CFAP44: variants seen among roughly 807,000 people sequenced by gnomAD.
The protein encoded by CFAP44 is cilia and flagella associated protein 44, also known as cilia- and flagella-associated protein 44.
In CFAP44, 134 loss-of-function variants were observed where a neutral mutation model predicts 216.2. The observed-to-expected ratio is 0.62, with a 90% confidence interval of 0.54 to 0.72. CFAP44 has a LOEUF of 0.72. CFAP44 is among the 30% of genes least tolerant of loss of function. The pLI, the probability that CFAP44 is intolerant of heterozygous loss-of-function variation, is 0.00. For synonymous variants in CFAP44, 700 were observed against 727.6 expected (o/e 0.96, Z 0.61); for missense variants, 2,035 against 2,182.1 (o/e 0.93, Z 1.34).
intron 34 of CFAP44, among the ~76,000 whole-genome samples, chr3:113,293,590 A>T (rs1949852225): frequency 1.3e-5 from 2 of 152,240 alleles, no homozygotes; most frequent in South Asian, 4.1e-4. Flanking sequence ...ATCAAAGCAC[A>T]TCGACTCAAC....
chr3:113,297,710 G>A (rs544066293), intron 32 of CFAP44, among the ~76,000 whole-genome samples: 3 of 152,130 alleles, frequency 2.0e-5, no homozygotes, highest in Admixed American at 1.3e-4. Context: ...TTTTACTTTT[G>A]TTTTTGTCTT....
Position 113,396,713 on chromosome 3 carries a change from T to C in CFAP44, c.1584A>G (p.Gly528=), listed in dbSNP as rs775918709. ...VWVPRMVNFT[G]AQIIVGFEDG... ...CTTCAAATCCTACAATAATTTGTGC[T>C]CCAGTGAAGTTTACCTTGGAGAAAA... Residue 528 remains glycine (G), a synonymous_variant, in exon 14 of 35, where the codon GGA becomes GGG. Coordinates refer to ENST00000393845, the MANE Select transcript of CFAP44 (RefSeq NM_001164496.2). 3.4e-5 allele frequency: 55 copies of C among 1,613,650 alleles called. No individual in the cohort carries two copies. Among genetic ancestry groups the C allele is most frequent in the Non-Finnish European group, 4.3e-5 (51 of 1,179,822 alleles).
In CFAP44 at chr3:113,403,917, G is replaced by A; in HGVS notation, c.1105C>T (p.Pro369Ser). 1.2e-6 allele frequency: 2 copies of A among 1,614,082 alleles called. No individual in the cohort carries two copies. The highest frequency in any genetic ancestry group is 1.7e-6 in the Non-Finnish European group (2 of 1,180,016). Residue 369 changes from proline to serine, a missense_variant, in exon 9 of 35, where the codon CCC becomes TCC. Pro to Ser is a moderately conservative substitution (Grantham distance 74, BLOSUM62 -1). Coordinates refer to ENST00000393845, the MANE Select transcript of CFAP44 (RefSeq NM_001164496.2). ...RGTSKSCHNG[P>S]INQIMLYEGE... ...TCATACAGCATTATCTGGTTAATGG[G>A]ACCATTGTGACATGACTTGCTTGTC...
intron 28 of CFAP44, among the ~76,000 whole-genome samples, chr3:113,323,871 G>A (rs892227204): frequency 2.6e-5 from 4 of 151,842 alleles, no homozygotes; most frequent in Admixed American, 6.6e-5. Context: ...GTGAAATCCC[G>A]TCTCTACTAA....
intron 28 of CFAP44, among the ~76,000 whole-genome samples, chr3:113,309,314 G>C (rs923590783): frequency 3.3e-5 from 5 of 152,150 alleles, no homozygotes; most frequent in African/African-American, 1.2e-4. Context: ...GTCTAGAGAA[G>C]AATTACCCTA....
intron 18 of CFAP44, among the ~76,000 whole-genome samples, chr3:113,367,303 G>A (rs1409369207): frequency 1.3e-5 from 2 of 152,220 alleles, no homozygotes; most frequent in Non-Finnish European, 2.9e-5. Context: ...ACACCTCCTA[G>A]TAGGGGCCAA....
intron 25 of CFAP44, 42 bp downstream of exon 25, chr3:113,333,364 C>G: frequency 6.6e-7 from 1 of 1,505,296 alleles, no homozygotes; most frequent in Non-Finnish European, 8.9e-7. Flanking sequence ...ATTAAGAACC[C>G]AGGGTGCCTT....
intron 15 of CFAP44, among the ~76,000 whole-genome samples, chr3:113,381,852 T>C (rs1933519175): frequency 6.6e-6 from 1 of 152,188 alleles, no homozygotes; most frequent in Admixed American, 6.5e-5. Flanking sequence ...GTAGCTTACC[T>C]CCAATGGAAG....
chr3:113,304,176 C>G, intron 31 of CFAP44, 59 bp from the exon 32 acceptor site: 1 of 1,502,912 alleles, frequency 6.7e-7, no homozygotes. Context: ...TGTATGGCAA[C>G]AGAAAGCATA....
intron 18 of CFAP44, among the ~76,000 whole-genome samples, chr3:113,368,245 C>T (rs545862101): frequency 1.6e-4 from 25 of 152,226 alleles, no homozygotes; most frequent in African/African-American, 5.8e-4. Context: ...GAGAACACCA[C>T]AAAGATTCTC....
At chr3:113,330,948 C>T (rs1403659408) in intron 25 of CFAP44, among the ~76,000 whole-genome samples, 3 of 152,108 alleles carry the variant, frequency 2.0e-5, no homozygotes, top group Admixed American at 2.0e-4. Flanking sequence ...GCTGAGTTCC[C>T]CTGTCCTCCT....
At chr3:113,379,854 G>C (rs1933457938) in intron 16 of CFAP44, among the ~76,000 whole-genome samples, 2 of 152,014 alleles carry the variant, frequency 1.3e-5, no homozygotes, top group Admixed American at 1.3e-4. Flanking sequence ...CAGGAATTAG[G>C]TAGACTGAAA....
intron 22 of CFAP44, among the ~76,000 whole-genome samples, chr3:113,345,974 C>G (rs2107823379): frequency 6.6e-6 from 1 of 152,246 alleles, no homozygotes; most frequent in East Asian, 1.9e-4. Context: ...TATTTGCCCA[C>G]TGGAACTTTT....
At chr3:113,338,476 T>C (rs1950301626) in intron 24 of CFAP44, among the ~76,000 whole-genome samples, 1 of 152,030 alleles carries the variant, frequency 6.6e-6, no homozygotes, top group Non-Finnish European at 1.5e-5. Context: ...AAGAGTCATG[T>C]CACTAAAAAT....
intron 2 of CFAP44, among the ~76,000 whole-genome samples, chr3:113,432,477 C>T (rs977809910): frequency 8.5e-5 from 13 of 152,216 alleles, no homozygotes; most frequent in Admixed American, 5.9e-4. Context: ...ACAGCCTTCT[C>T]TATCTCTCCA....
chr3:113,407,456 C>T (rs901568417), intron 7 of CFAP44, among the ~76,000 whole-genome samples: 7 of 152,182 alleles, frequency 4.6e-5, no homozygotes, highest in Non-Finnish European at 7.4e-5. Context: ...CAGCATAGAA[C>T]ATTCCCAGTC....
intron 28 of CFAP44, among the ~76,000 whole-genome samples, chr3:113,315,472 A>C (rs1488286309): frequency 1.3e-5 from 2 of 152,158 alleles, no homozygotes; most frequent in Non-Finnish European, 1.5e-5. Flanking sequence ...GAAATAACCC[A>C]CAATTGTATT....
chr3:113,426,310 A>G, intron 3 of CFAP44, 33 bp from the exon 4 acceptor site: 1 of 1,606,224 alleles, frequency 6.2e-7, no homozygotes, highest in South Asian at 1.1e-5. Context: ...GAAGAGTGAT[A>G]TGGTTTGGCT....
chr3:113,327,807 C>A lies in CFAP44; in HGVS notation c.4129G>T (p.Val1377Phe), dbSNP rs1427518994. The change falls in exon 27 of 35, where the codon GTT becomes TTT. Residue 1377 changes from valine to phenylalanine, a missense_variant. Physicochemically the swap from Val to Phe is conservative, Grantham distance 50. Coordinates refer to ENST00000393845, the MANE Select transcript of CFAP44 (RefSeq NM_001164496.2). ...QYLVNRIKEL[V>F]VTFDAELRLL... ...CGGAGTTCTGCATCGAAAGTGACAACCAGTTCTTTGATCTGAGATGGAAAA... is the reference window on the plus strand; with the variant it reads ...CGGAGTTCTGCATCGAAAGTGACAAACAGTTCTTTGATCTGAGATGGAAAA... 3 of 1,536,600 alleles carry A rather than the reference C, an allele frequency of 2.0e-6. No individual in the cohort carries two copies. The African/African-American group carries it at 4.1e-5, about 21-fold the overall frequency.
Sources: gnomAD v4.1 joint callset for allele counts (sites outside exome capture counted in the v4.1 genomes callset) on GRCh38, gnomAD v4.1.1 for gene constraint, MANE v1.5 for transcripts, NCBI Gene and HGNC (gene_info 2026-07-23, HGNC 2026-07-21) for gene names.